MAD1L1: variants seen among roughly 807,000 people sequenced by gnomAD.
The protein encoded by MAD1L1 is mitotic arrest deficient 1 like 1, also known as mitotic spindle assembly checkpoint protein MAD1.
MAD1L1 carries 95 observed loss-of-function variants against 96.9 expected under a neutral mutation model. That is an observed-to-expected ratio of 0.98 (90% CI 0.83 to 1.16). The LOEUF is 1.16. Among genes scored for constraint, MAD1L1 ranks in the 50% most tolerant of loss-of-function variants. The pLI is 0.00. For synonymous variants in MAD1L1, 473 were observed against 396.6 expected (o/e 1.19, Z -2.29); for missense variants, 1,007 against 954.4 (o/e 1.06, Z -0.73).
chr7:2,040,002 G>C (rs878886489), intron 12 of MAD1L1, among the ~76,000 whole-genome samples: 4 of 152,198 alleles, frequency 2.6e-5, no homozygotes, highest in East Asian at 1.9e-4. Flanking sequence ...AATAGCAACA[G>C]AATTGACAGA....
chr7:2,030,108 C>G (rs907981316), intron 12 of MAD1L1, among the ~76,000 whole-genome samples: 1 of 152,194 alleles, frequency 6.6e-6, no homozygotes, highest in Non-Finnish European at 1.5e-5. Flanking sequence ...GTAATCCTAG[C>G]CTCATTTCTG....
In MAD1L1 at chr7:2,103,091, G is replaced by C. The variant is rs1786900180; in HGVS notation, c.1074-33753C>G. Reference sequence around the variant, plus strand: ...GCCACGCTGCCTGCCTGCTGGAGACGCGCGTCCTCTCCCACCTCAGGGCCC... The same window carrying C: ...GCCACGCTGCCTGCCTGCTGGAGACCCGCGTCCTCTCCCACCTCAGGGCCC... On this transcript the variant is annotated intron_variant, in intron 11 of 18. Coordinates refer to ENST00000265854, the MANE Select transcript of MAD1L1 (RefSeq NM_001013836.2). The surrounding 1 kb of genome is among the most constrained non-coding windows in gnomAD (Gnocchi z 4.3). Among the ~76,000 whole-genome samples the C allele has an allele frequency of 6.6e-6, 1 of 152,104 alleles. No homozygotes were observed. Among genetic ancestry groups the C allele is most frequent in the Non-Finnish European group, 1.5e-5 (1 of 68,010 alleles).
intron 10 of MAD1L1, among the ~76,000 whole-genome samples, chr7:2,210,588 T>TCTCTAG (rs1792886363): frequency 6.6e-6 from 1 of 151,930 alleles, no homozygotes; most frequent in African/African-American, 2.4e-5. Context: ...TCCCGTGGAC[T>TCTCTAG]GCGGCATGAG....
In MAD1L1 at chr7:2,002,633, A is replaced by G. The variant is rs1346933787; in HGVS notation, c.1360-512T>C. Among the ~76,000 whole-genome samples the G allele has an allele frequency of 2.0e-5, 3 of 152,260 alleles. No homozygotes were observed. In the East Asian group the frequency reaches 5.8e-4, roughly 29 times the overall value. Reference sequence around the variant, plus strand: ...AAGCAGGACCCCGACCCAGGCAGGAAGGGTCTCCTGCCCCGACACACTCCC... The same window carrying G: ...AAGCAGGACCCCGACCCAGGCAGGAGGGGTCTCCTGCCCCGACACACTCCC... On this transcript the variant is annotated intron_variant, in intron 13 of 18. Transcript: ENST00000265854.
intron 10 of MAD1L1, among the ~76,000 whole-genome samples, chr7:2,167,302 C>T (rs896483460): frequency 6.6e-6 from 1 of 152,186 alleles, no homozygotes; most frequent in Admixed American, 6.5e-5. Flanking sequence ...AATCCCAGCA[C>T]TTTGGGAGGC....
intron 11 of MAD1L1, chr7:2,079,776 T>A (rs1395863384): frequency 4.2e-6 from 2 of 470,610 alleles, no homozygotes; most frequent in Non-Finnish European, 8.8e-6. Flanking sequence ...GACCATAAAT[T>A]CACTTCCGCC....
At chr7:1,860,352 CGGGGCGGCCTCTGTGTCCCT>C (rs1562466117) in intron 18 of MAD1L1, among the ~76,000 whole-genome samples, 17 of 71,050 alleles carry the variant, frequency 2.4e-4, no homozygotes, top group African/African-American at 5.7e-4. Context: ...TGACATCCTG[CGGGGCGGCCTCTGTGTCCCT>C]AGACTTGACA....
chr7:2,067,310 G>A (rs1340840250), intron 12 of MAD1L1, among the ~76,000 whole-genome samples: 5 of 151,182 alleles, frequency 3.3e-5, no homozygotes, highest in African/African-American at 1.2e-4. Context: ...CATCAGGCCT[G>A]AGCCCAAAGT....
intron 10 of MAD1L1, among the ~76,000 whole-genome samples, chr7:2,152,466 G>A (rs1269526099): frequency 1.3e-5 from 2 of 152,238 alleles, no homozygotes; most frequent in Non-Finnish European, 2.9e-5. Flanking sequence ...CACGAGCCCT[G>A]TCTGGCCATT....
chr7:2,222,620 G>C lies in MAD1L1; in HGVS notation c.426C>G (p.Ser142Arg). The C allele has an allele frequency of 6.2e-7, 1 of 1,612,918 alleles. No individual in the cohort carries two copies. Among genetic ancestry groups the C allele is most frequent in the Middle Eastern group, 1.7e-4 (1 of 6,058 alleles). The change falls in exon 5 of 19, where the codon AGC becomes AGG. Residue 142 changes from serine (S) to arginine (R), a missense_variant. Transcript: ENST00000265854. ...RQCQQNLDAA[S>R]KRLREKEDSL... ...TGTCCTCTTTCTCACGCAGCCTCTT[G>C]CTGGCAGCATCCAAGTTCTGCTGAC...
chr7:1,826,588 C>T (rs930982080), intron 18 of MAD1L1, among the ~76,000 whole-genome samples: 4 of 152,230 alleles, frequency 2.6e-5, no homozygotes, highest in Non-Finnish European at 5.9e-5. Context: ...ACTGTCCCTC[C>T]GGCGTCCCTC....
At chr7:2,074,043 C>T (rs545991424) in intron 11 of MAD1L1, among the ~76,000 whole-genome samples, 3 of 152,318 alleles carry the variant, frequency 2.0e-5, no homozygotes, top group East Asian at 1.9e-4. Flanking sequence ...GTGGAATGCT[C>T]GCCAAGAACC....
intron 18 of MAD1L1, among the ~76,000 whole-genome samples, chr7:1,816,643 T>G (rs975210004): frequency 6.6e-6 from 1 of 152,048 alleles, no homozygotes; most frequent in Non-Finnish European, 1.5e-5. Context: ...ATGACCTAGT[T>G]TCCCCACTTG....
At chr7:1,984,213 T>G (rs1012125055) in intron 14 of MAD1L1, among the ~76,000 whole-genome samples, 4 of 152,256 alleles carry the variant, frequency 2.6e-5, no homozygotes, top group African/African-American at 9.6e-5. Context: ...GTTTTGTTTT[T>G]TAAATTCCAA....
chr7:2,184,756 C>T (rs912636316), intron 10 of MAD1L1, among the ~76,000 whole-genome samples: 9 of 152,086 alleles, frequency 5.9e-5, no homozygotes, highest in Admixed American at 1.3e-4. Context: ...AATCCCAGCA[C>T]TTTGGGAGGC....
chr7:1,962,056 G>T (rs971702987), intron 15 of MAD1L1, among the ~76,000 whole-genome samples: 1 of 141,710 alleles, frequency 7.1e-6, no homozygotes, highest in African/African-American at 2.7e-5. Context: ...CCCCCATACC[G>T]TTCTCACGTG....
chr7:1,931,022 T>C (rs1398393588), intron 17 of MAD1L1, among the ~76,000 whole-genome samples: 1 of 151,118 alleles, frequency 6.6e-6, no homozygotes, highest in Non-Finnish European at 1.5e-5. Flanking sequence ...CGTCGTGGGG[T>C]CCACGTCAAG....
At chr7:1,936,566 G>C in intron 17 of MAD1L1, 121 bp downstream of exon 17, 1 of 1,053,970 alleles carries the variant, frequency 9.5e-7, no homozygotes, top group South Asian at 1.6e-5. Context: ...GCTGCCCACA[G>C]GGGAGGACAA....
chr7:2,164,053 A>T (rs1790299689), intron 10 of MAD1L1, among the ~76,000 whole-genome samples: 1 of 152,128 alleles, frequency 6.6e-6, no homozygotes, highest in Non-Finnish European at 1.5e-5. Flanking sequence ...CCTCAGGAAA[A>T]TGGGAACAGT....
Sources: gnomAD v4.1 joint callset for allele counts (sites outside exome capture counted in the v4.1 genomes callset) on GRCh38, gnomAD v4.1.1 for gene constraint, Gnocchi (gnomAD v3.1) non-coding constraint, MANE v1.5 for transcripts, NCBI Gene and HGNC (gene_info 2026-07-23, HGNC 2026-07-21) for gene names.